Variants in UBA2 observed in about 807,000 individuals in gnomAD.
UBA2 encodes SUMO-activating enzyme subunit 2.
UBA2 carries 11 observed loss-of-function variants against 77.2 expected under a neutral mutation model. The observed-to-expected ratio is 0.14, with a 90% CI of 0.09 to 0.24. The LOEUF (loss-of-function observed/expected upper bound fraction) is 0.24, where lower values mean the gene tolerates loss of function less well. UBA2 is among the 10% of genes least tolerant of loss of function. The pLI is 1.00. For synonymous variants in UBA2, 278 were observed against 276.7 expected (o/e 1.00, Z -0.05); for missense variants, 487 against 781.7 (o/e 0.62, Z 4.50).
At chr19:34,464,178 A>C in intron 15 of UBA2, 47 bp downstream of exon 15, 1 of 1,271,534 alleles carries the variant, frequency 7.9e-7, no homozygotes, top group Non-Finnish European at 1.1e-6. Flanking sequence ...TTGAATATAT[A>C]AACTTTAGAC....
intron 15 of UBA2, among the ~76,000 whole-genome samples, chr19:34,465,516 A>C (rs2075677858): frequency 6.6e-6 from 1 of 151,986 alleles, no homozygotes; most frequent in Non-Finnish European, 1.5e-5. Context: ...ATGTGCCTGC[A>C]GTCCCAGCTA....
chr19:34,447,963 C>T (rs2075449619), intron 8 of UBA2, among the ~76,000 whole-genome samples: 2 of 152,164 alleles, frequency 1.3e-5, no homozygotes, highest in African/African-American at 4.8e-5. Flanking sequence ...AGTTGGAAAA[C>T]TGACATAAAT....
At chr19:34,431,033 T>G (rs1368045105) in intron 2 of UBA2, among the ~76,000 whole-genome samples, 1 of 152,112 alleles carries the variant, frequency 6.6e-6, no homozygotes, top group South Asian at 2.1e-4. Context: ...TTTGTTTAGT[T>G]TTTTTAGTGT....
At chr19:34,459,400 C>T (rs117084290) in intron 13 of UBA2, among the ~76,000 whole-genome samples, 2,218 of 152,212 alleles carry the variant, frequency 0.015, 24 homozygotes, top group South Asian at 0.025. Flanking sequence ...GCGTGTTGGA[C>T]AGTGCCCACT....
intron 12 of UBA2, among the ~76,000 whole-genome samples, chr19:34,455,472 G>A (rs984625858): frequency 6.6e-6 from 1 of 152,092 alleles, no homozygotes; most frequent in East Asian, 1.9e-4. Flanking sequence ...CAGACACTTC[G>A]CTTTCTTACC....
intron 5 of UBA2, among the ~76,000 whole-genome samples, chr19:34,435,644 A>G (rs1319632088): frequency 1.3e-5 from 2 of 151,592 alleles, no homozygotes; most frequent in Non-Finnish European, 1.5e-5. Flanking sequence ...AGCCTCTCCA[A>G]TGTAGTGAAA....
At position 34,452,159 on chromosome 19, in the gene UBA2, C is replaced by T; in HGVS notation, c.1038+12C>T. The T allele has an allele frequency of 6.4e-7, 1 of 1,564,286 alleles. No homozygotes were observed. Among genetic ancestry groups the T allele is most frequent in the Non-Finnish European group, 8.7e-7 (1 of 1,148,776 alleles). Reference sequence around the variant, plus strand: ...TCATATGGGATAAGGTTCGTTTTGACAATGTGTGGCAAGTACTTACATGTC... The same window carrying T: ...TCATATGGGATAAGGTTCGTTTTGATAATGTGTGGCAAGTACTTACATGTC... On this transcript the variant is annotated intron_variant, in intron 10 of 16. Transcript: ENST00000246548.
At chr19:34,457,407 C>T (rs1408418507) in intron 12 of UBA2, among the ~76,000 whole-genome samples, 1 of 151,746 alleles carries the variant, frequency 6.6e-6, no homozygotes, top group Non-Finnish European at 1.5e-5. Flanking sequence ...CATTTTTTTA[C>T]ATTTGCAAAT....
chr19:34,458,751 G>A lies in UBA2; in HGVS notation c.1246-18G>A. ...TACAGCACGTTTCCGATTTCTGCCTGTTATTTCTCCTCCAAAGATTTTTTT... is the reference window on the plus strand; with the variant it reads ...TACAGCACGTTTCCGATTTCTGCCTATTATTTCTCCTCCAAAGATTTTTTT... On this transcript the variant is annotated intron_variant, in intron 12 of 16. Transcript: ENST00000246548. 6.2e-7 allele frequency: 1 copy of A among 1,604,172 alleles called. No homozygotes were observed. Among genetic ancestry groups the A allele is most frequent in the Non-Finnish European group, 8.5e-7 (1 of 1,175,566 alleles).
chr19:34,466,798 T>C, intron 15 of UBA2, 80 bp from the exon 16 acceptor site: 1 of 1,339,278 alleles, frequency 7.5e-7, no homozygotes, highest in South Asian at 1.2e-5. Context: ...TAGTGTATGC[T>C]TTGAGGAACA....
chr19:34,450,938 C>G (rs1364256670), intron 9 of UBA2, among the ~76,000 whole-genome samples: 1 of 151,682 alleles, frequency 6.6e-6, no homozygotes, highest in African/African-American at 2.4e-5. Context: ...TTGTGATTAT[C>G]TCTTTAAGAT....
At chr19:34,467,787 G>C (rs930826195) in intron 16 of UBA2, among the ~76,000 whole-genome samples, 2 of 152,134 alleles carry the variant, frequency 1.3e-5, no homozygotes, top group Non-Finnish European at 1.5e-5. Context: ...TTTAAGACTG[G>C]GGGAAATTCT....
chr19:34,459,859 C>G (rs541319127), intron 13 of UBA2, among the ~76,000 whole-genome samples: 16 of 152,262 alleles, frequency 1.1e-4, no homozygotes, highest in African/African-American at 3.6e-4. Context: ...ATGTTTTGGT[C>G]AAGGAAGTGG....
chr19:34,436,933 C>G (rs1406852965), intron 5 of UBA2, among the ~76,000 whole-genome samples: 1 of 152,140 alleles, frequency 6.6e-6, no homozygotes, highest in Non-Finnish European at 1.5e-5. Context: ...TATCTGTTGA[C>G]AGATCAAGAC....
chr19:34,430,940 C>G (rs2075246221), intron 2 of UBA2, among the ~76,000 whole-genome samples: 1 of 152,108 alleles, frequency 6.6e-6, no homozygotes, highest in South Asian at 2.1e-4. Flanking sequence ...CCTACACCCC[C>G]TAGAGGTTGA....
Position 34,452,104 on chromosome 19 carries a change from A to G in UBA2, c.995A>G (p.His332Arg). Reference protein sequence around the residue: ...FSKSIETLRVHLAEKGDGAEL... With the variant: ...FSKSIETLRVRLAEKGDGAEL... ...AAGAGCATCGAGACTTTGAGAGTTCATTTAGCAGAAAAGGGGGATGGAGCT... is the reference window on the plus strand; with the variant it reads ...AAGAGCATCGAGACTTTGAGAGTTCGTTTAGCAGAAAAGGGGGATGGAGCT... Residue 332 changes from histidine (H) to arginine (R), a missense_variant, in exon 10 of 17, where the codon CAT (histidine) becomes CGT (arginine). This residue lies in a region of UBA2 where 300 missense variants were observed against 454.3 expected (regional missense o/e 0.66). Transcript: ENST00000246548. 1 of 1,609,714 alleles carries G rather than the reference A, an allele frequency of 6.2e-7. No individual in the cohort carries two copies. Among genetic ancestry groups the G allele is most frequent in the Non-Finnish European group, 8.5e-7 (1 of 1,176,886 alleles).
rs769858860 is a variant in UBA2, at chr19:34,464,068, G to A, written c.1541G>A (p.Gly514Asp). 28 of 1,613,878 alleles carry A rather than the reference G, an allele frequency of 1.7e-5. No homozygotes were observed. Among genetic ancestry groups the A allele is most frequent in the Non-Finnish European group, 2.1e-5 (25 of 1,179,968 alleles). Residue 514 changes from glycine (G) to aspartate (D), a missense_variant, in exon 15 of 17, where the codon GGC (glycine) becomes GAC (aspartate). Physicochemically the swap from Gly to Asp is moderately conservative, Grantham distance 94. Coordinates refer to ENST00000246548, the MANE Select transcript of UBA2 (RefSeq NM_005499.3). Reference protein sequence around the residue: ...KKLSEFGIRNGSRLQADDFLQ... With the variant: ...KKLSEFGIRNDSRLQADDFLQ... ...TTGTCAGAATTTGGAATTAGAAATG[G>A]CAGCCGGCTTCAAGCAGATGACTTC...
Position 34,469,318 on chromosome 19 carries a change from C to A in UBA2, c.*97C>A. ...TGTTCCAAAGGGAAAAAATTGACAG[C>A]AGTGACTTGAAAATGATTCTGCTCC... On this transcript the variant is annotated 3_prime_UTR_variant, in exon 17 of 17. Transcript: ENST00000246548. 1 of 1,183,918 alleles carries A rather than the reference C, an allele frequency of 8.4e-7. No individual in the cohort carries two copies. The highest frequency in any genetic ancestry group is 1.1e-6 in the Non-Finnish European group (1 of 890,740). 73.3% of individuals were successfully genotyped at this position (1,183,918 alleles called of 1,614,324 possible).
At chr19:34,428,635 CGGGGCTCCA>C in intron 1 of UBA2, 65 bp downstream of exon 1, 1 of 621,196 alleles carries the variant, frequency 1.6e-6, no homozygotes, top group Admixed American at 4.9e-5. Context: ...TCGGGGGTTC[CGGGGCTCCA>C]GGGGCTCTGA....
Sources: allele counts gnomAD v4.1 joint callset (sites outside exome capture counted in the v4.1 genomes callset), GRCh38; gene constraint gnomAD v4.1.1; regional missense constraint gnomAD v4.1.1; transcripts MANE v1.5; gene names NCBI Gene and HGNC (gene_info 2026-07-23, HGNC 2026-07-21).